The following SVIL variants were observed in gnomAD, a reference collection of about 807,000 sequenced individuals.
The protein encoded by SVIL is archvillin.
A neutral mutation model predicts 240.4 loss-of-function variants in SVIL; 101 were observed. The observed-to-expected ratio is 0.42, with a 90% CI of 0.36 to 0.50. SVIL has a LOEUF of 0.50. SVIL is among the 20% of genes least tolerant of loss of function. The probability of loss-of-function intolerance (pLI) is 0.01; values close to 1 mark genes in which losing one functional copy is unlikely to be tolerated. For missense variants in SVIL, 2,512 were observed against 2,818.7 expected (o/e 0.89, Z 2.46); for synonymous variants, 999 against 1,100.0 (o/e 0.91, Z 1.82).
rs60356120 is a variant in SVIL at position 29,512,626 on chromosome 10, T to C, written c.3516+109A>G. On this transcript the variant is annotated intron_variant, in intron 17 of 37. Transcript: ENST00000355867. Reference sequence around the variant, plus strand: ...TCAGTGTGTACCCTAAGGGCAAAAATGCACAAATGCTTCACAGAGTAGGAA... The same window carrying C: ...TCAGTGTGTACCCTAAGGGCAAAAACGCACAAATGCTTCACAGAGTAGGAA... The C allele has an allele frequency of 0.1, 161,810 of 1,588,440 alleles. 11,849 individuals are homozygous for C. Among genetic ancestry groups the C allele is most frequent in the African/African-American group, 0.37 (27,356 of 74,550 alleles).
chr10:29,458,485 C>G lies in SVIL; in HGVS notation c.6507G>C (p.Glu2169Asp). The G allele has an allele frequency of 1.3e-6, 2 of 1,586,766 alleles. No homozygotes were observed. Among genetic ancestry groups the G allele is most frequent in the South Asian group, 1.2e-5 (1 of 85,950 alleles). ...LADLLARPLP[E>D]GVDPLKLEIY... ...TCTCAAGCTTCAGAGGATCGACCCC[C>G]TCCGGGAGTGGCCTGGCCAGGAGGT... The change falls in exon 37 of 38, where the codon GAG (glutamate) becomes GAC (aspartate). Residue 2169 changes from glutamate (E) to aspartate (D), a missense_variant. Around this residue, in one of 3 missense-constraint regions of SVIL, gnomAD observed 797 missense variants for 925.3 expected, o/e 0.86. Transcript: ENST00000355867.
chr10:29,679,215 A>G (rs1960436453), intron 2 of SVIL, among the ~76,000 whole-genome samples: 1 of 152,134 alleles, frequency 6.6e-6, no homozygotes, highest in African/African-American at 2.4e-5. Context: ...AAACAAACAA[A>G]CAAACAAAAC....
intron 3 of SVIL, among the ~76,000 whole-genome samples, chr10:29,558,111 G>A (rs1589248232): frequency 6.6e-6 from 1 of 152,246 alleles, no homozygotes; most frequent in East Asian, 1.9e-4. Context: ...CAAATACACA[G>A]CCTGTGCCTT....
chr10:29,666,388 C>T (rs1190382421), intron 2 of SVIL, among the ~76,000 whole-genome samples: 1 of 152,140 alleles, frequency 6.6e-6, no homozygotes, highest in Non-Finnish European at 1.5e-5. Context: ...ACTTCTCTGC[C>T]TGGGGCAAAA....
chr10:29,611,520 C>T (rs1201330795), intron 1 of SVIL, among the ~76,000 whole-genome samples: 1 of 152,016 alleles, frequency 6.6e-6, no homozygotes, highest in Non-Finnish European at 1.5e-5. Context: ...ATGGTTCAAA[C>T]ACTGGCCCTT....
intron 3 of SVIL, among the ~76,000 whole-genome samples, chr10:29,555,546 A>G (rs11007648): frequency 0.26 from 38,946 of 152,090 alleles, 5,074 homozygotes; most frequent in East Asian, 0.33. Context: ...ATATTGTAAC[A>G]CCTAGCTATG....
intron 1 of SVIL, among the ~76,000 whole-genome samples, chr10:29,696,077 G>C (rs906646133): frequency 6.8e-5 from 10 of 147,980 alleles, no homozygotes; most frequent in Non-Finnish European, 1.5e-4. Flanking sequence ...TCAGCCTGCC[G>C]AGTGCCTGCG....
chr10:29,579,035 C>T (rs1307499538), intron 1 of SVIL, among the ~76,000 whole-genome samples: 1 of 152,204 alleles, frequency 6.6e-6, no homozygotes. Context: ...TTATTATGCT[C>T]TATTTCACCT....
At chr10:29,587,540 A>G (rs1352597856) in intron 1 of SVIL, among the ~76,000 whole-genome samples, 1 of 152,180 alleles carries the variant, frequency 6.6e-6, no homozygotes, top group African/African-American at 2.4e-5. Flanking sequence ...ATAATAATAG[A>G]AACTTGTCCC....
intron 2 of SVIL, among the ~76,000 whole-genome samples, chr10:29,565,908 G>A (rs911188928): frequency 2.6e-5 from 4 of 151,996 alleles, no homozygotes; most frequent in Admixed American, 2.0e-4. Context: ...AAAATTAAAT[G>A]ATTGAATTAA....
rs761517623 is a variant in SVIL at position 29,535,999 on chromosome 10, A to T, written c.898T>A (p.Trp300Arg). The stretch of plus-strand genomic sequence containing the variant: ...CCGGCGTGCGGGTACCTGGAAGGCC[A>T]GTTGATAAGTGAAGGTGTGTCCCCT... ...SEGDTPSLIN[W>R]PSRVKVREKL... Residue 300 changes from tryptophan to arginine, a missense_variant, in exon 7 of 38, where the codon TGG becomes AGG. This residue lies in a region of SVIL where 1,443 missense variants were observed against 1,486.6 expected (regional missense o/e 0.97). Transcript: ENST00000355867. 5.0e-5 allele frequency: 80 copies of T among 1,614,108 alleles called. No individual in the cohort carries two copies. The highest frequency in any genetic ancestry group is 6.0e-5 in the Non-Finnish European group (71 of 1,180,046).
At chr10:29,729,038 G>A (rs1241470430) in intron 1 of SVIL, among the ~76,000 whole-genome samples, 5 of 152,118 alleles carry the variant, frequency 3.3e-5, no homozygotes, top group Non-Finnish European at 2.9e-5. Context: ...GGTGAGGGGC[G>A]GTGTTAGGAT....
intron 1 of SVIL, among the ~76,000 whole-genome samples, chr10:29,574,907 C>T (rs934953682): frequency 2.5e-4 from 38 of 152,268 alleles, no homozygotes; most frequent in African/African-American, 8.9e-4. Context: ...ACCAGGGCTA[C>T]CCCCAGATAT....
chr10:29,513,075 A>G (rs1949965162), intron 16 of SVIL, among the ~76,000 whole-genome samples: 1 of 152,264 alleles, frequency 6.6e-6, no homozygotes, highest in Non-Finnish European at 1.5e-5. Flanking sequence ...CAGTTGATTG[A>G]AACACAGAGC....
At chr10:29,506,380 C>A (rs1949274277) in intron 17 of SVIL, among the ~76,000 whole-genome samples, 1 of 152,022 alleles carries the variant, frequency 6.6e-6, no homozygotes, top group Admixed American at 6.5e-5. Context: ...GGGAAGGAAC[C>A]AGGAGAGTGA....
rs192412988 is a variant in SVIL, at chr10:29,564,223, G to C, written c.-142-931C>G. The stretch of plus-strand genomic sequence containing the variant: ...TGGCCGCAGCACAACACTGGAACTA[G>C]TACCATCCTCAGTTTACAGATCCGG... On this transcript the variant is annotated intron_variant, in intron 2 of 37. Transcript: ENST00000355867. Among the ~76,000 whole-genome samples, 60 of 152,242 alleles carry C rather than the reference G, an allele frequency of 3.9e-4. No homozygotes were observed. In the East Asian group the frequency reaches 0.011, roughly 28 times the overall value.
chr10:29,532,212 C>T lies in SVIL; in HGVS notation c.1839-40G>A, dbSNP rs113722010. ...GGGCAGAGAGTATAAGGAAGGCAAA[C>T]GAAGACAGAGAAAGAGAAGATGGCA... On this transcript the variant is annotated intron_variant, in intron 8 of 37. Transcript: ENST00000355867. 474 of 1,595,926 alleles carry T rather than the reference C, an allele frequency of 3.0e-4. 1 individual carries two copies. The African/African-American group carries it at 4.6e-3, about 15-fold the overall frequency.
chr10:29,663,867 C>A (rs1959186236), intron 2 of SVIL, among the ~76,000 whole-genome samples: 1 of 152,204 alleles, frequency 6.6e-6, no homozygotes, highest in Non-Finnish European at 1.5e-5. Context: ...AGCACATCGG[C>A]AACTGCAAGA....
At chr10:29,518,348 A>G (rs1950347717) in intron 16 of SVIL, among the ~76,000 whole-genome samples, 1 of 152,042 alleles carries the variant, frequency 6.6e-6, no homozygotes, top group African/African-American at 2.4e-5. Context: ...AGATCGTGTC[A>G]CTGCACTCCA....
Sources: allele counts gnomAD v4.1 joint callset (sites outside exome capture counted in the v4.1 genomes callset), GRCh38; gene constraint gnomAD v4.1.1; regional missense constraint gnomAD v4.1.1; transcripts MANE v1.5; gene names NCBI Gene and HGNC (gene_info 2026-07-23, HGNC 2026-07-21).